LRBA: variants seen among roughly 807,000 people sequenced by gnomAD.
LRBA encodes the protein LPS responsive beige-like anchor protein.
A neutral mutation model predicts 330.0 loss-of-function variants in LRBA; 176 were observed. The observed-to-expected ratio is 0.53, with a 90% CI of 0.47 to 0.60. LRBA has a LOEUF of 0.60. Ranked by LOEUF, LRBA falls within the 20% of genes least tolerant of loss-of-function variation. LRBA has a pLI of 0.00. For synonymous variants in LRBA, 1,230 were observed against 1,193.0 expected, an observed-to-expected ratio of 1.03 and a Z score of -0.64; for missense variants, 3,259 against 3,444.8, an observed-to-expected ratio of 0.95 and a Z score of 1.35.
chr4:150,579,768 G>C (rs1390719738), intron 40 of LRBA: 1 of 454,360 alleles, frequency 2.2e-6, no homozygotes, highest in Non-Finnish European at 4.4e-6. Context: ...CGGCGCGGCG[G>C]CGGAGCCATG....
At chr4:150,574,027 G>A (rs1414988020) in intron 40 of LRBA, among the ~76,000 whole-genome samples, 2 of 151,956 alleles carry the variant, frequency 1.3e-5, no homozygotes, top group Middle Eastern at 3.4e-3. Flanking sequence ...AATACCCAAT[G>A]TTCATTAAAA....
chr4:150,802,803 G>T (rs1305566786), intron 33 of LRBA, among the ~76,000 whole-genome samples: 1 of 151,852 alleles, frequency 6.6e-6, no homozygotes, highest in Non-Finnish European at 1.5e-5. Flanking sequence ...CCGGAGGACT[G>T]CTCGGGGTCA....
At chr4:150,771,151 A>G (rs1408901093) in intron 34 of LRBA, among the ~76,000 whole-genome samples, 1 of 152,174 alleles carries the variant, frequency 6.6e-6, no homozygotes, top group Non-Finnish European at 1.5e-5. Context: ...AGACTGTAAG[A>G]TCACAGGAAC....
At chr4:150,915,985 T>C (rs957818229) in intron 7 of LRBA, among the ~76,000 whole-genome samples, 3 of 152,074 alleles carry the variant, frequency 2.0e-5, no homozygotes, top group Non-Finnish European at 4.4e-5. Flanking sequence ...AATCTGAAAA[T>C]CAAGTACAAA....
In LRBA at chr4:150,916,494, A is replaced by G. The variant is rs1732602530; in HGVS notation, c.801T>C (p.Ala267=). 1.9e-6 allele frequency: 3 copies of G among 1,613,858 alleles called. No homozygotes were observed. Among genetic ancestry groups the G allele is most frequent in the Non-Finnish European group, 2.5e-6 (3 of 1,179,856 alleles). ...FRTSKGLGYS[A]HFVGGCLIVT... ...CAATCAAACAGCCTCCAACAAAATG[A>G]GCAGAATAGCCAAGACCTTTGCTGG... The change falls in exon 7 of 57, where the codon GCT becomes GCC. Residue 267 remains alanine, a synonymous_variant. Coordinates refer to ENST00000651943, the MANE Select transcript of LRBA (RefSeq NM_001364905.1).
chr4:150,289,936 C>A (rs993184545), intron 53 of LRBA, among the ~76,000 whole-genome samples: 2 of 152,094 alleles, frequency 1.3e-5, no homozygotes, highest in African/African-American at 2.4e-5. Flanking sequence ...CGGGGATAAT[C>A]GGAGGCAGAG....
chr4:150,398,201 C>T (rs1745005169), intron 47 of LRBA, among the ~76,000 whole-genome samples: 1 of 151,984 alleles, frequency 6.6e-6, no homozygotes, highest in East Asian at 1.9e-4. Flanking sequence ...TAACAAAGTA[C>T]AATGTATGAA....
chr4:150,623,522 C>T (rs1776522536), intron 37 of LRBA, among the ~76,000 whole-genome samples: 1 of 151,934 alleles, frequency 6.6e-6, no homozygotes, highest in South Asian at 2.1e-4. Flanking sequence ...AGCTAATATA[C>T]TATACACAGC....
intron 36 of LRBA, among the ~76,000 whole-genome samples, chr4:150,734,646 A>G (rs1174395534): frequency 6.6e-6 from 1 of 152,172 alleles, no homozygotes; most frequent in Non-Finnish European, 1.5e-5. Context: ...CTATAGCTAC[A>G]AAACCATTAA....
chr4:150,902,904 A>G (rs1037638587), intron 13 of LRBA, among the ~76,000 whole-genome samples: 3 of 152,112 alleles, frequency 2.0e-5, no homozygotes, highest in Non-Finnish European at 4.4e-5. Flanking sequence ...ACTGAGAACC[A>G]CCACTGTAGG....
At chr4:150,663,456 C>T (rs575708799) in intron 37 of LRBA, among the ~76,000 whole-genome samples, 35 of 151,452 alleles carry the variant, frequency 2.3e-4, no homozygotes, top group African/African-American at 8.5e-4. Context: ...TATAAAAATA[C>T]CAGACTTATT....
intron 40 of LRBA, among the ~76,000 whole-genome samples, chr4:150,492,341 C>G (rs1759066360): frequency 1.3e-5 from 2 of 151,960 alleles, no homozygotes; most frequent in African/African-American, 4.8e-5. Context: ...GTTCAAAAGA[C>G]AAGATAATCA....
At chr4:150,379,226 C>A (rs1741813229) in intron 47 of LRBA, among the ~76,000 whole-genome samples, 1 of 142,578 alleles carries the variant, frequency 7.0e-6, no homozygotes. Context: ...TCGTTTGAAC[C>A]CGGGAGGCAG....
chr4:150,508,911 G>A (rs1056835263), intron 40 of LRBA, among the ~76,000 whole-genome samples: 5 of 152,134 alleles, frequency 3.3e-5, no homozygotes, highest in East Asian at 1.9e-4. Flanking sequence ...GCAAGGTTAC[G>A]AAAAGCATAT....
At chr4:150,713,514 A>G (rs1225506970) in intron 36 of LRBA, among the ~76,000 whole-genome samples, 2 of 152,344 alleles carry the variant, frequency 1.3e-5, no homozygotes, top group East Asian at 3.9e-4. Context: ...TTGATTTTCA[A>G]ACTTTTGGTT....
intron 47 of LRBA, among the ~76,000 whole-genome samples, chr4:150,359,402 G>A (rs953505830): frequency 1.3e-5 from 2 of 152,160 alleles, no homozygotes; most frequent in Non-Finnish European, 2.9e-5. Flanking sequence ...AATCAAGAAA[G>A]TAGCATCCGG....
At chr4:150,770,780 G>A (rs1736456378) in intron 34 of LRBA, among the ~76,000 whole-genome samples, 1 of 152,016 alleles carries the variant, frequency 6.6e-6, no homozygotes, top group African/African-American at 2.4e-5. Context: ...GTACCTAATA[G>A]GGTGACCCAA....
chr4:150,496,604 G>A (rs1759617329), intron 40 of LRBA, among the ~76,000 whole-genome samples: 1 of 151,896 alleles, frequency 6.6e-6, no homozygotes, highest in Admixed American at 6.6e-5. Context: ...TTACATGAGA[G>A]CCTGCACATG....
chr4:150,478,504 A>C (rs1435319048), intron 42 of LRBA, among the ~76,000 whole-genome samples: 1 of 152,142 alleles, frequency 6.6e-6, no homozygotes, highest in Non-Finnish European at 1.5e-5. Flanking sequence ...AGTCTTATAA[A>C]TTATATTTCT....
Sources: gnomAD v4.1 joint callset for allele counts (sites outside exome capture counted in the v4.1 genomes callset) on GRCh38, gnomAD v4.1.1 for gene constraint, MANE v1.5 for transcripts, NCBI Gene and HGNC (gene_info 2026-07-23, HGNC 2026-07-21) for gene names.